The following EVC variants were observed in gnomAD, a reference collection of about 807,000 sequenced individuals.
EVC encodes EvC ciliary complex subunit 1.
EVC carries 116 observed loss-of-function variants against 118.9 expected under a neutral mutation model. That is an observed-to-expected ratio of 0.98 (90% confidence interval 0.84 to 1.14). The LOEUF (loss-of-function observed/expected upper bound fraction) is 1.14, where lower values mean the gene tolerates loss of function less well. Among genes scored for constraint, EVC ranks in the 50% most tolerant of loss-of-function variants. The pLI is 0.00. For synonymous variants in EVC, 619 were observed against 534.7 expected, an observed-to-expected ratio of 1.16 and a Z score of -2.18; for missense variants, 1,401 against 1,246.4, an observed-to-expected ratio of 1.12 and a Z score of -1.87.
In EVC at chr4:5,719,354, A is replaced by T; in HGVS notation, c.281A>T (p.Lys94Met). ...AGGAAGAGAGAAGTGCAGATGTCGA[A>T]GGACAAGGAAGCTGTTGATGTAAGC... is the stretch of plus-strand genomic sequence containing the variant. The part of the protein sequence containing the change: ...RRRKREVQMS[K>M]DKEAVDECEP... The change falls in exon 2 of 21, where the codon AAG becomes ATG. Residue 94 changes from lysine to methionine, a missense_variant. Coordinates refer to ENST00000264956, the MANE Select transcript of EVC (RefSeq NM_153717.3). This position sits in a 1 kb window ranked among gnomAD's most constrained non-coding sequence, Gnocchi z 4.7. The T allele has an allele frequency of 6.2e-7, 1 of 1,614,186 alleles. No individual in the cohort carries two copies. Among genetic ancestry groups the T allele is most frequent in the East Asian group, 2.2e-5 (1 of 44,878 alleles).
At chr4:5,814,666 C>T (rs1003028200), downstream of EVC, among the ~76,000 whole-genome samples, 3 of 152,186 alleles carry the variant, frequency 2.0e-5, no homozygotes, top group African/African-American at 7.2e-5. Context: ...TCACTCTGCA[C>T]CTGGTCCCTG....
chr4:5,744,090 A>G (rs1324485089), intron 6 of EVC, among the ~76,000 whole-genome samples: 1 of 152,212 alleles, frequency 6.6e-6, no homozygotes, highest in African/African-American at 2.4e-5. Context: ...TAGCCAAGTG[A>G]TTTAAATGCA....
At chr4:5,739,834 G>A in intron 5 of EVC, among the ~76,000 whole-genome samples, 1 of 150,460 alleles carries the variant, frequency 6.6e-6, no homozygotes, top group East Asian at 1.9e-4. Flanking sequence ...GGGAGGTGGA[G>A]GCAGGCAGGT....
intron 11 of EVC, among the ~76,000 whole-genome samples, chr4:5,759,498 G>C (rs149561260): frequency 2.6e-5 from 4 of 152,286 alleles, no homozygotes; most frequent in Non-Finnish European, 5.9e-5. Context: ...TGGCCCAGAG[G>C]CTATGGGCGG....
intron 11 of EVC, among the ~76,000 whole-genome samples, chr4:5,757,478 AC>A: frequency 6.6e-6 from 1 of 152,248 alleles, no homozygotes; most frequent in Non-Finnish European, 1.5e-5. Flanking sequence ...AATACCACTG[AC>A]TGGTGGGTTA....
At chr4:5,724,311 G>A (rs1342415698) in intron 2 of EVC, among the ~76,000 whole-genome samples, 2 of 152,254 alleles carry the variant, frequency 1.3e-5, no homozygotes, top group Admixed American at 1.3e-4. Flanking sequence ...TTAAGTTAAT[G>A]GGATTGGTGG....
rs77470237 is a variant in EVC at position 5,746,832 on chromosome 4, G to A, written c.940-1316G>A. ...ATCCTGCCCATATTTAAGGAGGAGC[G>A]GATGAGAAGAATTGGGACAAGAAAG... On this transcript the variant is annotated intron_variant, in intron 7 of 20. Coordinates refer to ENST00000264956, the MANE Select transcript of EVC (RefSeq NM_153717.3). This position sits in a 1 kb window ranked among gnomAD's most constrained non-coding sequence, Gnocchi z 5.8. Among the ~76,000 whole-genome samples the A allele has an allele frequency of 4.5e-4, 68 of 152,250 alleles. No homozygotes were observed. In the South Asian group the frequency reaches 0.011, roughly 24 times the overall value.
intron 12 of EVC, among the ~76,000 whole-genome samples, chr4:5,792,754 A>G (rs17691258): frequency 0.16 from 23,857 of 152,176 alleles, 2,131 homozygotes; most frequent in Non-Finnish European, 0.19. Flanking sequence ...CAGTATCCCA[A>G]ACCAGTAGAT....
the EVC span, chr4:5,824,668 T>TTGC: frequency 1.0e-6 from 1 of 962,708 alleles, no homozygotes; most frequent in African/African-American, 1.8e-5. Flanking sequence ...ATCCTAGATG[T>TTGC]TGACATCCTA....
At chr4:5,804,930 C>T (rs533283636) in intron 17 of EVC, 89 bp downstream of exon 17, 69 of 1,171,112 alleles carry the variant, frequency 5.9e-5, no homozygotes, top group African/African-American at 4.9e-4. Flanking sequence ...CAGGTGCCGT[C>T]GCGTGCATTG....
intron 11 of EVC, among the ~76,000 whole-genome samples, chr4:5,757,604 C>T (rs112321370): frequency 3.9e-5 from 6 of 152,348 alleles, no homozygotes; most frequent in African/African-American, 4.8e-5. Flanking sequence ...GCTGCCTTCC[C>T]GTTGCCTCCT....
downstream of EVC, among the ~76,000 whole-genome samples, chr4:5,815,386 G>C (rs543358969): frequency 6.6e-6 from 1 of 152,324 alleles, no homozygotes; most frequent in African/African-American, 2.4e-5. Context: ...TAACGTGCAT[G>C]GCATGGGGAA....
chr4:5,763,376 C>A (rs1379595267), intron 11 of EVC, among the ~76,000 whole-genome samples: 4 of 124,698 alleles, frequency 3.2e-5, no homozygotes, highest in African/African-American at 6.2e-5. Flanking sequence ...ATTGACTTGG[C>A]GATGTGGGCT....
chr4:5,725,052 G>T (rs187696452), intron 2 of EVC, among the ~76,000 whole-genome samples: 1 of 152,130 alleles, frequency 6.6e-6, no homozygotes, highest in Non-Finnish European at 1.5e-5. Context: ...TAAAGGACAC[G>T]ATCTTGTTCC....
At chr4:5,807,144 T>C (rs554233185) in intron 17 of EVC, among the ~76,000 whole-genome samples, 1 of 152,140 alleles carries the variant, frequency 6.6e-6, no homozygotes, top group East Asian at 1.9e-4. Flanking sequence ...AAACTAGAGC[T>C]CCTTGAGGAC....
At chr4:5,816,791 G>A (rs73795101), downstream of EVC, among the ~76,000 whole-genome samples, 37 of 148,672 alleles carry the variant, frequency 2.5e-4, no homozygotes, top group East Asian at 4.8e-3. Flanking sequence ...TCCTCATTTT[G>A]CCTCACAGAT....
rs1430096295 is a variant in EVC, at chr4:5,789,455, C to T, written c.1777-4153C>T. Among the ~76,000 whole-genome samples the T allele has an allele frequency of 6.6e-6, 1 of 152,194 alleles. No homozygotes were observed. Among genetic ancestry groups the T allele is most frequent in the Non-Finnish European group, 1.5e-5 (1 of 68,040 alleles). ...GTTTAAAACTGCAATGCCCCCCTCA[C>T]CCCCAGCACTCCAGTGTTTGCCTCG... On this transcript the variant is annotated intron_variant, in intron 12 of 20. Transcript: ENST00000264956. The surrounding 1 kb of genome is among the most constrained non-coding windows in gnomAD (Gnocchi z 4.3).
chr4:5,817,449 C>A (rs1301535911), downstream of EVC, among the ~76,000 whole-genome samples: 2 of 152,230 alleles, frequency 1.3e-5, no homozygotes, highest in East Asian at 1.9e-4. Context: ...CCACAGCTTT[C>A]CTCCTCTTGG....
chr4:5,777,165 CA>C (rs1734829869), intron 11 of EVC, among the ~76,000 whole-genome samples: 1 of 152,098 alleles, frequency 6.6e-6, no homozygotes, highest in East Asian at 1.9e-4. Context: ...TGTCCTTCTC[CA>C]AAGAGGATTT....
Sources: gnomAD v4.1 joint callset for allele counts (sites outside exome capture counted in the v4.1 genomes callset) on GRCh38, gnomAD v4.1.1 for gene constraint, Gnocchi (gnomAD v3.1) non-coding constraint, MANE v1.5 for transcripts, NCBI Gene and HGNC (gene_info 2026-07-23, HGNC 2026-07-21) for gene names.